The following GNAL variants were observed in gnomAD, a reference collection of about 807,000 sequenced individuals.
The protein encoded by GNAL is guanine nucleotide-binding protein G(olf) subunit alpha.
A neutral mutation model predicts 55.1 loss-of-function variants in GNAL; 18 were observed. The observed-to-expected ratio is 0.33, with a 90% CI of 0.23 to 0.48. GNAL has a LOEUF of 0.48. Among genes scored for constraint, GNAL ranks in the 20% least tolerant of loss-of-function variants. The pLI is 0.99. For missense variants in GNAL, 412 were observed against 614.1 expected (o/e 0.67, Z 3.48); for synonymous variants, 253 against 237.0 (o/e 1.07, Z -0.62).
intron 4 of GNAL, among the ~76,000 whole-genome samples, chr18:11,769,322 T>G (rs924930979): frequency 2.0e-5 from 3 of 151,068 alleles, no homozygotes; most frequent in African/African-American, 7.3e-5. Flanking sequence ...TAAGGACTAT[T>G]GTGCTCAGAC....
At chr18:11,873,865 C>T (rs1402377996) in intron 10 of GNAL, among the ~76,000 whole-genome samples, 1 of 152,166 alleles carries the variant, frequency 6.6e-6, no homozygotes, top group Non-Finnish European at 1.5e-5. Flanking sequence ...GTCCTTCCAA[C>T]AGGGTCTGCC....
chr18:11,827,666 A>G (rs920844374), intron 5 of GNAL, among the ~76,000 whole-genome samples: 1 of 151,460 alleles, frequency 6.6e-6, no homozygotes, highest in African/African-American at 2.4e-5. Context: ...ATGCACGACA[A>G]GTCCTTCAAG....
intron 1 of GNAL, among the ~76,000 whole-genome samples, chr18:11,738,606 C>T (rs578142558): frequency 8.5e-5 from 13 of 152,270 alleles, no homozygotes; most frequent in Admixed American, 5.9e-4. Flanking sequence ...CACCACCACA[C>T]CTAGCTAATT....
In GNAL at chr18:11,824,920, A is replaced by G. The variant is rs2035202417; in HGVS notation, c.627A>G (p.Glu209=). ...APITDFEYSQ[E]FFDHVKKLWD... is the part of the protein sequence containing the mutation. ...TTTGTAACTCTTTCAAACTTTAGGA[A>G]TTCTTTGACCATGTGAAAAAACTTT... The change falls in exon 5 of 12, where the codon GAA becomes GAG. Residue 209 remains glutamate (E), a splice_region_variant and synonymous_variant. Coordinates refer to ENST00000334049, the MANE Select transcript of GNAL (RefSeq NM_182978.4). 4.5e-6 allele frequency: 7 copies of G among 1,546,442 alleles called. No individual in the cohort carries two copies. Among genetic ancestry groups the G allele is most frequent in the Non-Finnish European group, 5.3e-6 (6 of 1,125,022 alleles).
intron 4 of GNAL, among the ~76,000 whole-genome samples, chr18:11,801,426 A>C (rs1242676973): frequency 6.6e-6 from 1 of 152,146 alleles, no homozygotes; most frequent in Admixed American, 6.5e-5. Flanking sequence ...GGTGGTGCAC[A>C]TCTGCAGTCC....
At chr18:11,731,179 A>T (rs1380511540) in intron 1 of GNAL, among the ~76,000 whole-genome samples, 1 of 152,122 alleles carries the variant, frequency 6.6e-6, no homozygotes, top group Non-Finnish European at 1.5e-5. Flanking sequence ...ACGGAGTCTC[A>T]CTCTGTTGCC....
chr18:11,809,089 C>T (rs1199719735), intron 4 of GNAL, among the ~76,000 whole-genome samples: 2 of 152,146 alleles, frequency 1.3e-5, no homozygotes, highest in Non-Finnish European at 2.9e-5. Context: ...AAAACCCTGT[C>T]TCTACCTAAA....
At chr18:11,711,956 T>C (rs1230147785) in intron 1 of GNAL, among the ~76,000 whole-genome samples, 1 of 152,258 alleles carries the variant, frequency 6.6e-6, no homozygotes, top group African/African-American at 2.4e-5. Context: ...GCATTTTAAT[T>C]ATAGGGATTT....
chr18:11,753,515 C>G, intron 2 of GNAL, 113 bp from the exon 3 acceptor site: 1 of 697,278 alleles, frequency 1.4e-6, no homozygotes, highest in Non-Finnish European at 2.5e-6. Context: ...ATACTGACCT[C>G]TAGTGAAACC....
chr18:11,723,573 AT>A (rs2032146196), intron 1 of GNAL, among the ~76,000 whole-genome samples: 2 of 152,246 alleles, frequency 1.3e-5, no homozygotes, highest in African/African-American at 2.4e-5. Flanking sequence ...TCAGATACTT[AT>A]CAAATACATA....
intron 4 of GNAL, among the ~76,000 whole-genome samples, chr18:11,797,709 A>C (rs956857421): frequency 3.9e-5 from 6 of 152,046 alleles, no homozygotes; most frequent in African/African-American, 1.4e-4. Flanking sequence ...CAGTGAGCCA[A>C]GATCATGCCA....
intron 5 of GNAL, among the ~76,000 whole-genome samples, chr18:11,855,898 G>A (rs1017161455): frequency 6.6e-6 from 1 of 151,190 alleles, no homozygotes; most frequent in Non-Finnish European, 1.5e-5. Context: ...CTTAAACCCG[G>A]GAGGTGGAGG....
chr18:11,880,082 C>T (rs111545877), intron 11 of GNAL, among the ~76,000 whole-genome samples: 2,037 of 151,242 alleles, frequency 0.013, 37 homozygotes, highest in African/African-American at 0.03. Context: ...CATGGTGAAA[C>T]CCCGTCTCTA....
intron 1 of GNAL, among the ~76,000 whole-genome samples, chr18:11,715,484 G>C (rs201380518): frequency 4.7e-5 from 7 of 148,220 alleles, no homozygotes; most frequent in Admixed American, 1.3e-4. Context: ...AAAAAGAAAA[G>C]AAAACAAATG....
intron 1 of GNAL, among the ~76,000 whole-genome samples, chr18:11,724,442 C>T (rs1010150296): frequency 1.4e-4 from 21 of 152,214 alleles, no homozygotes; most frequent in African/African-American, 4.8e-4. Flanking sequence ...TCTTCAGCAA[C>T]GTCCCAGAAA....
intron 5 of GNAL, among the ~76,000 whole-genome samples, chr18:11,838,318 G>C (rs1269106964): frequency 6.6e-6 from 1 of 152,084 alleles, no homozygotes; most frequent in African/African-American, 2.4e-5. Context: ...ACCACATATG[G>C]TATCATTTCA....
At chr18:11,774,089 A>G (rs760348362) in intron 4 of GNAL, among the ~76,000 whole-genome samples, 4 of 152,150 alleles carry the variant, frequency 2.6e-5, no homozygotes, top group Non-Finnish European at 5.9e-5. Flanking sequence ...CACACCTTAA[A>G]CATTCAGTAA....
chr18:11,867,821 A>AAAT (rs1567901676), intron 8 of GNAL, among the ~76,000 whole-genome samples: 2 of 147,458 alleles, frequency 1.4e-5, no homozygotes, highest in East Asian at 2.1e-4. Context: ...TGTCAAAAAA[A>AAAT]AATAATAATA....
At chr18:11,825,690 C>G (rs1433385397) in intron 5 of GNAL, among the ~76,000 whole-genome samples, 1 of 133,336 alleles carries the variant, frequency 7.5e-6, no homozygotes, top group Non-Finnish European at 1.5e-5. Context: ...GAGATTGCGC[C>G]CTTGCACTCT....
Sources: allele counts gnomAD v4.1 joint callset (sites outside exome capture counted in the v4.1 genomes callset), GRCh38; gene constraint gnomAD v4.1.1; transcripts MANE v1.5; gene names NCBI Gene and HGNC (gene_info 2026-07-23, HGNC 2026-07-21).